Variants in C2orf66 observed in about 807,000 individuals in gnomAD.
C2orf66 encodes uncharacterized protein C2orf66.
A neutral mutation model predicts 7.0 loss-of-function variants in C2orf66; 6 were observed. The ratio of observed to expected loss-of-function variants is 0.86; its 90% confidence interval spans 0.47 to 1.69. The LOEUF is 1.69. C2orf66 is among the 40% of genes most tolerant of loss of function. C2orf66 has a pLI of 0.01. For synonymous variants in C2orf66, 38 were observed against 43.8 expected (o/e 0.87, Z 0.52); for missense variants, 107 against 112.0 (o/e 0.96, Z 0.20).
chr2:196,814,549 T>C, the C2orf66 span, among the ~76,000 whole-genome samples: 1 of 152,116 alleles, frequency 6.6e-6, no homozygotes, highest in Non-Finnish European at 1.5e-5. Context: ...TCTGCACATG[T>C]ACCCCAGAAC....
chr2:196,813,394 G>T (rs974868431), upstream of C2orf66, among the ~76,000 whole-genome samples: 1 of 152,172 alleles, frequency 6.6e-6, no homozygotes, highest in African/African-American at 2.4e-5. Flanking sequence ...GCTGAAACTG[G>T]ATCCTTTCCT....
chr2:196,812,780 T>C (rs1171225328), upstream of C2orf66, among the ~76,000 whole-genome samples: 1 of 152,192 alleles, frequency 6.6e-6, no homozygotes, highest in African/African-American at 2.4e-5. Context: ...AGCATTCTTA[T>C]ACACCAGTAA....
At chr2:196,808,812 G>C (rs1699842598) in intron 1 of C2orf66, among the ~76,000 whole-genome samples, 1 of 151,960 alleles carries the variant, frequency 6.6e-6, no homozygotes, top group Non-Finnish European at 1.5e-5. Context: ...GCTGAGCTTG[G>C]CAATCTCTAG....
chr2:196,828,230 T>A, the C2orf66 span, among the ~76,000 whole-genome samples: 2,799 of 125,064 alleles, frequency 0.022, 40 homozygotes, highest in Middle Eastern at 0.036. Flanking sequence ...TCTCTCTCTC[T>A]CACACACACA....
chr2:196,822,424 G>GA, the C2orf66 span, among the ~76,000 whole-genome samples: 5 of 152,108 alleles, frequency 3.3e-5, no homozygotes, highest in Non-Finnish European at 5.9e-5. Context: ...TCTGGCTCTG[G>GA]AAAAATACAT....
the C2orf66 span, among the ~76,000 whole-genome samples, chr2:196,820,012 T>C: frequency 2.0e-5 from 3 of 152,260 alleles, no homozygotes; most frequent in South Asian, 6.2e-4. Context: ...CACACACACT[T>C]TTCTATTTGA....
At chr2:196,811,812 GGGGGC>G (rs1699879775), upstream of C2orf66, among the ~76,000 whole-genome samples, 6 of 152,150 alleles carry the variant, frequency 3.9e-5, no homozygotes, top group Admixed American at 1.3e-4. Flanking sequence ...GAGGAAAAAA[GGGGGC>G]CAAAAACTTG....
the C2orf66 span, among the ~76,000 whole-genome samples, chr2:196,814,598 T>C: frequency 6.6e-6 from 1 of 152,246 alleles, no homozygotes; most frequent in East Asian, 1.9e-4. Flanking sequence ...AAAAAATTTT[T>C]ACTGAGATTA....
chr2:196,820,182 A>T, the C2orf66 span, among the ~76,000 whole-genome samples: 3 of 152,362 alleles, frequency 2.0e-5, no homozygotes, highest in South Asian at 6.2e-4. Flanking sequence ...CATTAGAACC[A>T]TCCAGAATAA....
At chr2:196,808,636 G>T (rs1032917467) in intron 1 of C2orf66, among the ~76,000 whole-genome samples, 2 of 152,102 alleles carry the variant, frequency 1.3e-5, no homozygotes, top group Admixed American at 1.3e-4. Flanking sequence ...ATTCACTTTA[G>T]AAAAACCATA....
At chr2:196,807,786 T>G (rs1699834036) in intron 1 of C2orf66, among the ~76,000 whole-genome samples, 164 bp from the exon 2 acceptor site, 1 of 152,184 alleles carries the variant, frequency 6.6e-6, no homozygotes, top group South Asian at 2.1e-4. Context: ...CTACTTCTCC[T>G]CCCCTCCTCT....
chr2:196,805,283 A>G lies in C2orf66; in HGVS notation c.*145T>C, dbSNP rs1699808052. 1 of 152,194 alleles carries G rather than the reference A, an allele frequency of 6.6e-6. No homozygotes were observed. Among genetic ancestry groups the G allele is most frequent in the Non-Finnish European group, 1.5e-5 (1 of 68,024 alleles). The allele number at this position is 152,194 out of a possible 1,614,324, so 9.4% of individuals were successfully genotyped here. A position where few individuals can be genotyped will look rare whatever the true frequency, so the allele number is the denominator to read the frequency against. ...TTTATATGTAAATATGGAAATGTGG[A>G]ATAAAATCATTACAAACTGAAAAAT... On this transcript the variant is annotated 3_prime_UTR_variant, in exon 3 of 3. Coordinates refer to ENST00000342506, the MANE Select transcript of C2orf66 (RefSeq NM_213608.3).
the C2orf66 span, among the ~76,000 whole-genome samples, chr2:196,831,080 C>T: frequency 6.6e-6 from 1 of 152,138 alleles, no homozygotes; most frequent in Admixed American, 6.5e-5. Flanking sequence ...AAATGTTTTG[C>T]TTTTCCTTGT....
At chr2:196,813,448 A>G (rs1699895048), upstream of C2orf66, among the ~76,000 whole-genome samples, 1 of 152,226 alleles carries the variant, frequency 6.6e-6, no homozygotes, top group African/African-American at 2.4e-5. Flanking sequence ...AAAAGACTTA[A>G]ACGTAAGACC....
chr2:196,809,462 T>C (rs1272848881), upstream of C2orf66: 5 of 1,348,290 alleles, frequency 3.7e-6, no homozygotes, highest in African/African-American at 1.4e-5. Flanking sequence ...AGAAATAGCA[T>C]ACTGGTTTAT....
the C2orf66 span, among the ~76,000 whole-genome samples, chr2:196,830,266 T>C: frequency 2.0e-5 from 3 of 152,070 alleles, no homozygotes; most frequent in African/African-American, 7.2e-5. Context: ...TCCAGGCCCC[T>C]CCCCTAAAGA....
the C2orf66 span, among the ~76,000 whole-genome samples, chr2:196,829,383 G>GTT: frequency 5.8e-3 from 885 of 152,200 alleles, no homozygotes; most frequent in Non-Finnish European, 9.3e-3. Context: ...GAGGTCAGGA[G>GTT]TTTGAGACCA....
upstream of C2orf66, among the ~76,000 whole-genome samples, chr2:196,812,161 C>G (rs570804411): frequency 6.6e-6 from 1 of 152,102 alleles, no homozygotes; most frequent in African/African-American, 2.4e-5. Flanking sequence ...TAAATGTCAA[C>G]GGTTAGGTGA....
At chr2:196,829,943 C>T in the C2orf66 span, among the ~76,000 whole-genome samples, 12 of 151,964 alleles carry the variant, frequency 7.9e-5, no homozygotes, top group Admixed American at 7.9e-4. Flanking sequence ...CAACAAAAAG[C>T]CAAAACCATA....
Sources: allele counts gnomAD v4.1 joint callset (sites outside exome capture counted in the v4.1 genomes callset), GRCh38; gene constraint gnomAD v4.1.1; transcripts MANE v1.5; gene names NCBI Gene and HGNC (gene_info 2026-07-23, HGNC 2026-07-21).